SFXN5: variants seen among roughly 807,000 people sequenced by gnomAD.
The protein encoded by SFXN5 is sideroflexin-5.
A neutral mutation model predicts 50.2 loss-of-function variants in SFXN5; 43 were observed. That is an observed-to-expected ratio of 0.86 (90% CI 0.67 to 1.11). The LOEUF (loss-of-function observed/expected upper bound fraction) is 1.11. Ranked by LOEUF, SFXN5 falls within the 50% of genes least tolerant of loss-of-function variation. SFXN5 has a pLI of 0.00. For missense variants in SFXN5, 463 were observed against 454.1 expected (o/e 1.02, Z -0.18); for synonymous variants, 203 against 185.8 (o/e 1.09, Z -0.75).
chr2:72,957,690 A>G (rs1258343670), intron 13 of SFXN5, among the ~76,000 whole-genome samples: 1 of 152,264 alleles, frequency 6.6e-6, no homozygotes, highest in Non-Finnish European at 1.5e-5. Flanking sequence ...TGGCAGAAGA[A>G]GCACCTTGTT....
At chr2:73,061,640 T>A (rs1336653198) in intron 1 of SFXN5, among the ~76,000 whole-genome samples, 5 of 152,092 alleles carry the variant, frequency 3.3e-5, no homozygotes, top group Admixed American at 3.3e-4. Context: ...AATAAAAAGG[T>A]AAAAATTATA....
Position 72,956,247 on chromosome 2 carries a change from A to G in SFXN5, c.945+4884T>C, listed in dbSNP as rs530774603. ...GCAAGAGGACTGGGGTCCAGAAGGG[A>G]GCCCAGGACCTGTTCCCCAGTTCTC... On this transcript the variant is annotated intron_variant, in intron 13 of 13. Transcript: ENST00000272433. Among the ~76,000 whole-genome samples the G allele has an allele frequency of 8.3e-4, 126 of 152,266 alleles. 1 individual carries two copies. Among genetic ancestry groups the G allele is most frequent in the African/African-American group, 2.7e-3 (114 of 41,550 alleles).
Position 72,961,742 on chromosome 2 carries a change from G to A in SFXN5, c.828-494C>T, listed in dbSNP as rs1673773102. Among the ~76,000 whole-genome samples the A allele has an allele frequency of 6.6e-6, 1 of 152,154 alleles. No individual in the cohort carries two copies. Among genetic ancestry groups the A allele is most frequent in the South Asian group, 2.1e-4 (1 of 4,836 alleles). On this transcript the variant is annotated intron_variant, in intron 12 of 13. Coordinates refer to ENST00000272433, the MANE Select transcript of SFXN5 (RefSeq NM_144579.3). The surrounding 1 kb of genome is among the most constrained non-coding windows in gnomAD (Gnocchi z 4.4). ...TATGGGCACACGCCAGCCAGGAGGG[G>A]GTGATCCTCCTCTATGTGTGAGAAC...
In SFXN5 at chr2:73,017,237, C is replaced by T. The variant is rs79095427; in HGVS notation, c.357+3002G>A. 9.3e-3 allele frequency among the ~76,000 whole-genome samples: 1,415 copies of T among 152,232 alleles called. 34 individuals are homozygous for T. Among genetic ancestry groups the T allele is most frequent in the Admixed American group, 0.058 (879 of 15,284 alleles). On this transcript the variant is annotated intron_variant, in intron 6 of 13. Coordinates refer to ENST00000272433, the MANE Select transcript of SFXN5 (RefSeq NM_144579.3). ...AAAAATAAGAAGGAGAAGTTGTTTACCTCAGAGGATGGGTGAGAAGGAGGT... is the reference window on the plus strand; with the variant it reads ...AAAAATAAGAAGGAGAAGTTGTTTATCTCAGAGGATGGGTGAGAAGGAGGT...
chr2:72,988,316 G>C lies in SFXN5; in HGVS notation c.567C>G (p.Asn189Lys). ...VGLNVLVQKA[N>K]KFTPATRLLI... ...GAAGGCGGGTGGCTGGGGTGAACTTGTTGGCTTTCTGAACCAGGACATTAA... is the reference window on the plus strand; with the variant it reads ...GAAGGCGGGTGGCTGGGGTGAACTTCTTGGCTTTCTGAACCAGGACATTAA... Residue 189 changes from asparagine (N) to lysine (K), a missense_variant, in exon 10 of 14, where the codon AAC (asparagine) becomes AAG (lysine). Physicochemically the swap from Asn to Lys is moderately conservative, Grantham distance 94. Coordinates refer to ENST00000272433, the MANE Select transcript of SFXN5 (RefSeq NM_144579.3). 1.2e-6 allele frequency: 2 copies of C among 1,613,880 alleles called. No individual in the cohort carries two copies. Among genetic ancestry groups the C allele is most frequent in the Admixed American group, 1.7e-5 (1 of 60,020 alleles).
In SFXN5 at chr2:72,987,465, T is replaced by C. The variant is rs115700357; in HGVS notation, c.625+793A>G. ...AAGATCTATCAGTTGATGTATTAAA[T>C]ATGAATTAGTGACCGGGCATGGTGG... is the stretch of plus-strand genomic sequence containing the variant. On this transcript the variant is annotated intron_variant, in intron 10 of 13. Transcript: ENST00000272433. Among the ~76,000 whole-genome samples, 439 of 152,108 alleles carry C rather than the reference T, an allele frequency of 2.9e-3. 3 individuals carry two copies. The highest frequency in any genetic ancestry group is 0.01 in the African/African-American group (426 of 41,518).
intron 2 of SFXN5, among the ~76,000 whole-genome samples, chr2:73,047,239 AAAAAAAATAT>A (rs1227734857): frequency 7.8e-5 from 2 of 25,666 alleles, no homozygotes; most frequent in African/African-American, 2.1e-4. Context: ...AAAAAAAAAA[AAAAAAAATAT>A]ATATATATAT....
At chr2:73,046,595 C>T (rs923749392) in intron 2 of SFXN5, among the ~76,000 whole-genome samples, 1 of 151,910 alleles carries the variant, frequency 6.6e-6, no homozygotes, top group Non-Finnish European at 1.5e-5. Context: ...GGGAGGATCT[C>T]GAGCCTGGGA....
chr2:73,050,605 G>A (rs1173796431), intron 2 of SFXN5, among the ~76,000 whole-genome samples: 5 of 152,130 alleles, frequency 3.3e-5, no homozygotes, highest in Admixed American at 6.5e-5. Context: ...CACTCTACAC[G>A]CCACCCTTAG....
In SFXN5 at chr2:72,950,604, C is replaced by T. The variant is rs1424234401; in HGVS notation, c.946-5505G>A. Among the ~76,000 whole-genome samples the T allele has an allele frequency of 6.6e-6, 1 of 152,202 alleles. No homozygotes were observed. Among genetic ancestry groups the T allele is most frequent in the Non-Finnish European group, 1.5e-5 (1 of 68,024 alleles). On this transcript the variant is annotated intron_variant, in intron 13 of 13. Coordinates refer to ENST00000272433, the MANE Select transcript of SFXN5 (RefSeq NM_144579.3). This position sits in a 1 kb window ranked among gnomAD's most constrained non-coding sequence, Gnocchi z 4.2. The stretch of plus-strand genomic sequence containing the variant: ...TATGTGATGTTTCCTCCCCTGTCCA[C>T]CAAAAACTAAGCATCTCCCTTGAAG...
chr2:72,998,873 A>T, intron 9 of SFXN5, 76 bp downstream of exon 9: 5 of 1,512,268 alleles, frequency 3.3e-6, no homozygotes, highest in Non-Finnish European at 4.6e-6. Context: ...CCCTCAGACA[A>T]GCATCCACCT....
rs2105297700 is a variant in SFXN5, at chr2:72,945,153, G to A, written c.946-54C>T. 6.5e-7 allele frequency: 1 copy of A among 1,542,904 alleles called. No homozygotes were observed. Among genetic ancestry groups the A allele is most frequent in the Non-Finnish European group, 8.9e-7 (1 of 1,121,814 alleles). ...GGGGGAGTGGGAAGGGGCAAATAGT[G>A]GGGCTGGGAGCTGCAGTGAGGACCA... On this transcript the variant is annotated intron_variant, in intron 13 of 13. Coordinates refer to ENST00000272433, the MANE Select transcript of SFXN5 (RefSeq NM_144579.3). This position sits in a 1 kb window ranked among gnomAD's most constrained non-coding sequence, Gnocchi z 5.8.
intron 13 of SFXN5, among the ~76,000 whole-genome samples, chr2:72,959,135 T>C (rs567708366): frequency 2.0e-5 from 3 of 152,304 alleles, no homozygotes; most frequent in Non-Finnish European, 4.4e-5. Flanking sequence ...AGCAGGTCCA[T>C]GGTGAAATCA....
chr2:72,999,189 T>C (rs1483760858), intron 8 of SFXN5, among the ~76,000 whole-genome samples, 175 bp from the exon 9 acceptor site: 1 of 152,146 alleles, frequency 6.6e-6, no homozygotes, highest in East Asian at 1.9e-4. Context: ...CAGTTCCCAA[T>C]GCAGAAATAT....
At chr2:72,984,742 T>A (rs922208738) in intron 10 of SFXN5, among the ~76,000 whole-genome samples, 2 of 151,780 alleles carry the variant, frequency 1.3e-5, no homozygotes, top group Admixed American at 1.3e-4. Flanking sequence ...GAGGTCCTGG[T>A]GGGAAGGGGC....
intron 10 of SFXN5, among the ~76,000 whole-genome samples, chr2:72,974,234 A>G (rs1670363245): frequency 6.6e-6 from 1 of 152,114 alleles, no homozygotes; most frequent in African/African-American, 2.4e-5. Flanking sequence ...TTGTGTGTGT[A>G]TGCATAGGGG....
intron 11 of SFXN5, among the ~76,000 whole-genome samples, chr2:72,970,240 A>C (rs1674989237): frequency 1.3e-5 from 2 of 152,334 alleles, no homozygotes; most frequent in South Asian, 4.1e-4. Flanking sequence ...CTCAGGGCTG[A>C]ACATTTCTCC....
At chr2:72,993,981 G>A (rs544320637) in intron 9 of SFXN5, among the ~76,000 whole-genome samples, 1 of 152,284 alleles carries the variant, frequency 6.6e-6, no homozygotes, top group Non-Finnish European at 1.5e-5. Flanking sequence ...ATGTCTCCCA[G>A]TCCCCACTGC....
intron 13 of SFXN5, among the ~76,000 whole-genome samples, chr2:72,948,349 A>G (rs1672174911): frequency 6.6e-6 from 1 of 152,262 alleles, no homozygotes; most frequent in South Asian, 2.1e-4. Context: ...AAAGAACAGT[A>G]ATTGCAAAAT....
Sources: gnomAD v4.1 joint callset for allele counts (sites outside exome capture counted in the v4.1 genomes callset) on GRCh38, gnomAD v4.1.1 for gene constraint, Gnocchi (gnomAD v3.1) non-coding constraint, MANE v1.5 for transcripts, NCBI Gene and HGNC (gene_info 2026-07-23, HGNC 2026-07-21) for gene names.